RGPD3: variants seen among roughly 807,000 people sequenced by gnomAD.
RGPD3 encodes ranBP2-like and GRIP domain-containing protein 3.
Under a neutral mutation model 154.5 loss-of-function variants are expected in RGPD3, and 62 were observed. That is an observed-to-expected ratio of 0.40 (90% confidence interval 0.33 to 0.50). The LOEUF is 0.50. Among genes scored for constraint, RGPD3 ranks in the 20% least tolerant of loss-of-function variants. RGPD3 has a pLI of 0.59. For missense variants in RGPD3, 919 were observed against 1,716.8 expected (o/e 0.54, Z 8.21); for synonymous variants, 308 against 607.0 (o/e 0.51, Z 7.24).
chr2:106,412,819 G>C (rs1185118912), intron 22 of RGPD3: 2 of 607,666 alleles, frequency 3.3e-6, no homozygotes, highest in Admixed American at 2.2e-5. Context: ...CGCAACACCA[G>C]GATAAAAATC....
intron 17 of RGPD3, among the ~76,000 whole-genome samples, chr2:106,430,386 A>ACCTT (rs1381265906): frequency 1.3e-5 from 1 of 78,116 alleles, no homozygotes; most frequent in African/African-American, 4.0e-5. Context: ...GCCTACATTA[A>ACCTT]CCTGACGTTC....
intron 7 of RGPD3, among the ~76,000 whole-genome samples, chr2:106,444,753 CAGG>C (rs1677854897): frequency 6.6e-6 from 1 of 150,822 alleles, no homozygotes; most frequent in Non-Finnish European, 1.5e-5. Context: ...CACTTGAGCC[CAGG>C]AGTTCGAGGA....
At chr2:106,410,215 A>G (rs1676629647) in intron 22 of RGPD3, among the ~76,000 whole-genome samples, 1 of 152,084 alleles carries the variant, frequency 6.6e-6, no homozygotes, top group Non-Finnish European at 1.5e-5. Context: ...AGGTATCTAA[A>G]TCTGCTGCTA....
chr2:106,438,590 TGACCAA>T (rs1370194977), intron 9 of RGPD3, among the ~76,000 whole-genome samples: 8 of 151,712 alleles, frequency 5.3e-5, no homozygotes, highest in African/African-American at 1.9e-4. Flanking sequence ...GAGACCAGCC[TGACCAA>T]CATGATGAAA....
intron 7 of RGPD3, among the ~76,000 whole-genome samples, chr2:106,441,807 T>C (rs1414071549): frequency 1.3e-3 from 174 of 130,848 alleles, no homozygotes; most frequent in African/African-American, 4.8e-3. Flanking sequence ...GAGGTTGTAG[T>C]GCGCCGAGAC....
At chr2:106,465,226 C>T (rs1361438981) in intron 1 of RGPD3, among the ~76,000 whole-genome samples, 1 of 151,734 alleles carries the variant, frequency 6.6e-6, no homozygotes, top group Non-Finnish European at 1.5e-5. Context: ...CCATTCTTTA[C>T]CTTCTATCCA....
At chr2:106,446,256 A>G (rs1677921793) in intron 7 of RGPD3, among the ~76,000 whole-genome samples, 1 of 125,304 alleles carries the variant, frequency 8.0e-6, no homozygotes, top group African/African-American at 3.0e-5. Context: ...AAAGTTATGC[A>G]GGCTCATTAA....
intron 21 of RGPD3, among the ~76,000 whole-genome samples, chr2:106,414,525 G>A (rs1676764513): frequency 7.2e-6 from 1 of 138,784 alleles, no homozygotes; most frequent in African/African-American, 2.6e-5. Flanking sequence ...AGGAGGCTGA[G>A]GCAGGGGAAT....
At chr2:106,440,338 C>A (rs1175347748) in intron 8 of RGPD3, among the ~76,000 whole-genome samples, 1 of 147,894 alleles carries the variant, frequency 6.8e-6, no homozygotes, top group Non-Finnish European at 1.5e-5. Flanking sequence ...TTCTGCTGGG[C>A]AATTAGGTTT....
At chr2:106,464,553 A>G (rs1207920160) in intron 1 of RGPD3, among the ~76,000 whole-genome samples, 2 of 150,968 alleles carry the variant, frequency 1.3e-5, no homozygotes, top group Admixed American at 1.3e-4. Context: ...TTGATGAGCA[A>G]CACAGCAAGA....
At chr2:106,413,768 T>C (rs1327204016) in intron 21 of RGPD3, among the ~76,000 whole-genome samples, 1 of 152,052 alleles carries the variant, frequency 6.6e-6, no homozygotes, top group African/African-American at 2.4e-5. Context: ...GAGGAGAGGA[T>C]GCATCCTGTG....
chr2:106,466,011 G>A (rs1225594643), intron 1 of RGPD3, among the ~76,000 whole-genome samples: 2 of 151,904 alleles, frequency 1.3e-5, no homozygotes, highest in Middle Eastern at 3.2e-3. Flanking sequence ...TATGACCTCC[G>A]CCGCAGCATA....
At chr2:106,461,920 C>CTT (rs879683119) in intron 1 of RGPD3, among the ~76,000 whole-genome samples, 1 of 147,294 alleles carries the variant, frequency 6.8e-6, no homozygotes, top group Non-Finnish European at 1.5e-5. Context: ...TCCCCCCTTC[C>CTT]TTTTTTTTTT....
chr2:106,468,310 G>T lies in RGPD3; in HGVS notation c.-22C>A, dbSNP rs780847939. The T allele has an allele frequency of 2.5e-6, 4 of 1,594,682 alleles. No homozygotes were observed. The East Asian group carries it at 6.8e-5, about 27-fold the overall frequency. ...TCATCGCGCCACCAACCTGGCTCCC[G>T]AGATGCGTGAGACCAGCGCTCAGCC... On this transcript the variant is annotated 5_prime_UTR_variant, in exon 1 of 23. Transcript: ENST00000409886.
chr2:106,414,406 G>A (rs1676759150), intron 21 of RGPD3, among the ~76,000 whole-genome samples: 2 of 152,040 alleles, frequency 1.3e-5, no homozygotes, highest in African/African-American at 2.4e-5. Flanking sequence ...GGCAGATCAC[G>A]AGGTCAGGAG....
rs1242592695 is a variant in RGPD3, at chr2:106,460,113, C to G, written c.73-781G>C. On this transcript the variant is annotated intron_variant, in intron 1 of 22. Transcript: ENST00000409886. Reference sequence around the variant, plus strand: ...TATGACTGTGACACTGCACTCCAGCCTGGGTGACACAGGGAGATCCTCTCT... The same window carrying G: ...TATGACTGTGACACTGCACTCCAGCGTGGGTGACACAGGGAGATCCTCTCT... Among the ~76,000 whole-genome samples the G allele has an allele frequency of 5.2e-5, 3 of 58,014 alleles. No individual in the cohort carries two copies. In the East Asian group the frequency reaches 1.6e-3, roughly 32 times the overall value. 38.1% of individuals were successfully genotyped at this position (58,014 alleles called of 152,430 possible). A position where few individuals can be genotyped will look rare whatever the true frequency, so the allele number is the denominator to read the frequency against.
At chr2:106,410,999 G>A (rs1222065427) in intron 22 of RGPD3, among the ~76,000 whole-genome samples, 6 of 150,346 alleles carry the variant, frequency 4.0e-5, no homozygotes, top group Middle Eastern at 3.2e-3. Flanking sequence ...TACTTATGAA[G>A]TATGTCTGTA....
intron 1 of RGPD3, among the ~76,000 whole-genome samples, chr2:106,466,151 CACCGTCGGGAACA>C (rs892539726): frequency 7.2e-5 from 11 of 152,166 alleles, no homozygotes; most frequent in African/African-American, 2.6e-4. Flanking sequence ...CAGGAGCGAG[CACCGTCGGGAACA>C]AGCGTCGGGA....
In RGPD3 at chr2:106,404,175, T is replaced by C. The variant is rs1357144378; in HGVS notation, c.*1044A>G. On this transcript the variant is annotated 3_prime_UTR_variant, in exon 23 of 23. Coordinates refer to ENST00000409886, the MANE Select transcript of RGPD3 (RefSeq NM_001144013.2). Reference sequence around the variant, plus strand: ...AAACACTGAAAGCACCACTTTTATATTTAGATTCAATGCTGAGTGATATAG... The same window carrying C: ...AAACACTGAAAGCACCACTTTTATACTTAGATTCAATGCTGAGTGATATAG... 6.6e-6 allele frequency among the ~76,000 whole-genome samples: 1 copy of C among 150,700 alleles called. No homozygotes were observed. Among genetic ancestry groups the C allele is most frequent in the Non-Finnish European group, 1.5e-5 (1 of 67,988 alleles).
Sources: allele counts gnomAD v4.1 joint callset (sites outside exome capture counted in the v4.1 genomes callset), GRCh38; gene constraint gnomAD v4.1.1; transcripts MANE v1.5; gene names NCBI Gene and HGNC (gene_info 2026-07-23, HGNC 2026-07-21).